The following SORCS2 variants were observed in gnomAD, a reference collection of about 807,000 sequenced individuals.
SORCS2 encodes the protein VPS10 domain-containing receptor SorCS2.
In SORCS2, 100 loss-of-function variants were observed where a neutral mutation model predicts 141.6. That is an observed-to-expected ratio of 0.71 (90% CI 0.60 to 0.83). SORCS2 has a LOEUF of 0.83. Among genes scored for constraint, SORCS2 ranks in the 40% least tolerant of loss-of-function variants. The pLI is 0.00. For synonymous variants in SORCS2, 789 were observed against 676.9 expected, an observed-to-expected ratio of 1.17 and a Z score of -2.57; for missense variants, 1,646 against 1,560.2, an observed-to-expected ratio of 1.05 and a Z score of -0.93.
chr4:7,207,673 G>T (rs1275038120), intron 1 of SORCS2, among the ~76,000 whole-genome samples: 1 of 152,208 alleles, frequency 6.6e-6, no homozygotes, highest in Non-Finnish European at 1.5e-5. Context: ...CTGCACTGTT[G>T]TCCCCTAATC....
At chr4:7,573,899 T>C (rs1212834644) in intron 3 of SORCS2, among the ~76,000 whole-genome samples, 1 of 152,222 alleles carries the variant, frequency 6.6e-6, no homozygotes, top group African/African-American at 2.4e-5. Context: ...CCTGGCCTCC[T>C]CGCTGTGCTT....
chr4:7,240,264 C>A (rs1712602401), intron 1 of SORCS2, among the ~76,000 whole-genome samples: 1 of 152,184 alleles, frequency 6.6e-6, no homozygotes, highest in African/African-American at 2.4e-5. Context: ...CACCTTGTCA[C>A]CTCCTCCGGA....
intron 22 of SORCS2, among the ~76,000 whole-genome samples, chr4:7,729,193 G>A (rs1176473221): frequency 1.3e-5 from 2 of 152,336 alleles, no homozygotes; most frequent in Admixed American, 1.3e-4. Context: ...GTGGGAAGGG[G>A]GAGGCAGCTG....
chr4:7,639,415 T>A (rs932463611), intron 4 of SORCS2, among the ~76,000 whole-genome samples: 3 of 117,168 alleles, frequency 2.6e-5, no homozygotes, highest in African/African-American at 5.3e-5. Context: ...ACTGCATAAG[T>A]GTGTGTGTGT....
At chr4:7,398,984 C>T (rs540009168) in intron 2 of SORCS2, among the ~76,000 whole-genome samples, 46 of 152,330 alleles carry the variant, frequency 3.0e-4, no homozygotes, top group African/African-American at 8.4e-4. Context: ...ATCCTGCTGG[C>T]GACTTTTCTA....
intron 1 of SORCS2, among the ~76,000 whole-genome samples, chr4:7,309,204 T>G (rs952875771): frequency 6.6e-6 from 1 of 152,170 alleles, no homozygotes; most frequent in Non-Finnish European, 1.5e-5. Context: ...CTCTCCTGTG[T>G]GCAAGTGTGG....
At chr4:7,562,704 C>T (rs7692130) in intron 3 of SORCS2, among the ~76,000 whole-genome samples, 4,061 of 152,278 alleles carry the variant, frequency 0.027, 183 homozygotes, top group African/African-American at 0.091. Context: ...CAGAGTCTGA[C>T]ATCAAGGTGT....
chr4:7,574,567 G>A (rs1304668731), intron 3 of SORCS2, among the ~76,000 whole-genome samples: 1 of 151,976 alleles, frequency 6.6e-6, no homozygotes, highest in East Asian at 1.9e-4. Flanking sequence ...GGGGAAGGAG[G>A]AAGAGAGGGG....
chr4:7,724,933 TAG>T (rs1727083476), intron 19 of SORCS2, among the ~76,000 whole-genome samples: 1 of 83,602 alleles, frequency 1.2e-5, no homozygotes, highest in African/African-American at 5.3e-5. Flanking sequence ...ATGGTGGTAG[TAG>T]TGGTGATGGT....
chr4:7,222,307 G>A (rs533433139), intron 1 of SORCS2, among the ~76,000 whole-genome samples: 1 of 152,146 alleles, frequency 6.6e-6, no homozygotes, highest in African/African-American at 2.4e-5. Context: ...ATTCAGCCAT[G>A]GACAGGAATG....
intron 1 of SORCS2, among the ~76,000 whole-genome samples, chr4:7,309,722 G>T (rs181576400): frequency 6.6e-6 from 1 of 152,340 alleles, no homozygotes; most frequent in East Asian, 1.9e-4. Flanking sequence ...CTACCTGCTG[G>T]GGTCAAGCGT....
rs569033069 is a variant in SORCS2 at position 7,250,698 on chromosome 4, G to T, written c.480+57572G>T. ...TGTATTCGGGGAGTGCGAGGTGTCA[G>T]GGTACAAAGAGGCGAGGCCGAGGAA... On this transcript the variant is annotated intron_variant, in intron 1 of 26. Transcript: ENST00000507866. Among the ~76,000 whole-genome samples, 4 of 152,382 alleles carry T rather than the reference G, an allele frequency of 2.6e-5. No individual in the cohort carries two copies. The East Asian group carries it at 7.7e-4, about 29-fold the overall frequency.
Position 7,407,161 on chromosome 4 carries a change from A to G in SORCS2, c.548+10806A>G, listed in dbSNP as rs752387376. Among the ~76,000 whole-genome samples the G allele has an allele frequency of 5.3e-5, 8 of 152,164 alleles. No individual in the cohort carries two copies. The South Asian group carries it at 6.2e-4, about 12-fold the overall frequency. ...ATGAATTCTATAGCATTTGGGTGAA[A>G]TGTTCCATAAATGCCAGTTAGGCCT... On this transcript the variant is annotated intron_variant, in intron 2 of 26. Transcript: ENST00000507866.
chr4:7,635,473 C>T (rs1720182031), intron 3 of SORCS2, among the ~76,000 whole-genome samples: 1 of 152,246 alleles, frequency 6.6e-6, no homozygotes, highest in African/African-American at 2.4e-5. Context: ...GCCTTCCATT[C>T]TTATTTCTGG....
chr4:7,454,235 G>A (rs1228267573), intron 2 of SORCS2, among the ~76,000 whole-genome samples: 5 of 126,720 alleles, frequency 3.9e-5, no homozygotes, highest in African/African-American at 6.4e-5. Context: ...TTGGGGTCAG[G>A]TGCTGTGTGT....
intron 9 of SORCS2, among the ~76,000 whole-genome samples, chr4:7,679,418 A>G (rs1209952981): frequency 6.6e-6 from 1 of 152,178 alleles, no homozygotes; most frequent in Non-Finnish European, 1.5e-5. Context: ...ATGTGACCTT[A>G]TTTGAAAAGG....
In SORCS2 at chr4:7,637,515, G is replaced by A. The variant is rs560710643; in HGVS notation, c.649-813G>A. On this transcript the variant is annotated intron_variant, in intron 3 of 26. Coordinates refer to ENST00000507866, the MANE Select transcript of SORCS2 (RefSeq NM_020777.3). ...TGGATTCACGTTCATGGCAGAGGCT[G>A]TGAACCCTGAGTTTACGGTGGAGCC... 3.0e-4 allele frequency among the ~76,000 whole-genome samples: 46 copies of A among 152,370 alleles called. No individual in the cohort carries two copies. In the East Asian group the frequency reaches 7.3e-3, roughly 24 times the overall value.
chr4:7,419,794 C>G (rs1725920683), intron 2 of SORCS2, among the ~76,000 whole-genome samples: 1 of 152,042 alleles, frequency 6.6e-6, no homozygotes, highest in Non-Finnish European at 1.5e-5. Flanking sequence ...AGCCAGATCT[C>G]TGGATCTAAG....
intron 2 of SORCS2, among the ~76,000 whole-genome samples, chr4:7,482,774 G>A (rs191892086): frequency 0.018 from 1,393 of 75,450 alleles, no homozygotes; most frequent in South Asian, 0.038. Flanking sequence ...CTGTATCCCC[G>A]CTGCGGACAC....
Sources: allele counts gnomAD v4.1 joint callset (sites outside exome capture counted in the v4.1 genomes callset), GRCh38; gene constraint gnomAD v4.1.1; transcripts MANE v1.5; gene names NCBI Gene and HGNC (gene_info 2026-07-23, HGNC 2026-07-21).